Variants in ALOX5 observed in about 807,000 individuals in gnomAD.
ALOX5 encodes the protein arachidonate 5-lipoxygenase.
A neutral mutation model predicts 87.9 loss-of-function variants in ALOX5; 64 were observed. The ratio of observed to expected loss-of-function variants is 0.73; its 90% CI spans 0.60 to 0.90. The LOEUF (loss-of-function observed/expected upper bound fraction) is 0.90, where lower values mean the gene tolerates loss of function less well. Ranked by LOEUF, ALOX5 falls within the 40% of genes least tolerant of loss-of-function variation. The pLI is 0.00. For synonymous variants in ALOX5, 388 were observed against 355.1 expected (o/e 1.09, Z -1.04); for missense variants, 822 against 907.5 (o/e 0.91, Z 1.21).
chr10:45,431,548 GTTATTTATTTATTTATTTAT>G (rs34431757), intron 7 of ALOX5, among the ~76,000 whole-genome samples: 4,120 of 148,540 alleles, frequency 0.028, 174 homozygotes, highest in African/African-American at 0.092. Context: ...AAACTATAAA[GTTATTTATTTATTTATTTAT>G]TTATTTATTT....
intron 12 of ALOX5, 69 bp from the exon 13 acceptor site, chr10:45,444,046 CG>C: frequency 6.8e-7 from 1 of 1,476,592 alleles, no homozygotes; most frequent in Non-Finnish European, 9.0e-7. Flanking sequence ...ACGGGGAGGA[CG>C]GGGCCCAGGG....
At chr10:45,409,515 C>T (rs996747218) in intron 3 of ALOX5, among the ~76,000 whole-genome samples, 1 of 150,576 alleles carries the variant, frequency 6.6e-6, no homozygotes, top group South Asian at 2.1e-4. Context: ...GTCTGTCTCT[C>T]TCTCTCTCTC....
intron 2 of ALOX5, among the ~76,000 whole-genome samples, chr10:45,388,966 A>C (rs1423608259): frequency 6.6e-6 from 1 of 152,232 alleles, no homozygotes; most frequent in South Asian, 2.1e-4. Flanking sequence ...ACGAATGGCT[A>C]ACTAGAATAA....
At position 45,441,546 on chromosome 10, in the gene ALOX5, T is replaced by C. The variant is rs1160676571; in HGVS notation, c.1272+116T>C. The C allele has an allele frequency of 7.7e-6, 8 of 1,038,750 alleles. No homozygotes were observed. The African/African-American group carries it at 1.3e-4, about 17-fold the overall frequency. 64.3% of individuals were successfully genotyped at this position (1,038,750 alleles called of 1,614,324 possible). A position where few individuals can be genotyped will look rare whatever the true frequency, so the allele number is the denominator to read the frequency against. On this transcript the variant is annotated intron_variant, in intron 9 of 13. Transcript: ENST00000374391. Reference sequence around the variant, plus strand: ...GCCTGGAAGGGTGAAGGCTGGAGTCTGCTCAGAGCACTGGCTCCAGCATCC... The same window carrying C: ...GCCTGGAAGGGTGAAGGCTGGAGTCCGCTCAGAGCACTGGCTCCAGCATCC...
intron 1 of ALOX5, among the ~76,000 whole-genome samples, chr10:45,377,364 C>A (rs1191064149): frequency 6.6e-6 from 1 of 151,540 alleles, no homozygotes; most frequent in Non-Finnish European, 1.5e-5. Context: ...CCTCTTCCTT[C>A]CCCTGCTCCC....
At chr10:45,444,626 T>C (rs1842376321) in intron 13 of ALOX5, 1 of 315,878 alleles carries the variant, frequency 3.2e-6, no homozygotes, top group African/African-American at 2.1e-5. Context: ...GTTTCCTGGG[T>C]TCCTTCCGGA....
At chr10:45,389,218 T>G (rs191379425) in intron 2 of ALOX5, among the ~76,000 whole-genome samples, 1 of 152,306 alleles carries the variant, frequency 6.6e-6, no homozygotes. Flanking sequence ...TACATCTGAT[T>G]GGTGTACCTG....
chr10:45,417,438 C>A (rs911040965), intron 4 of ALOX5, among the ~76,000 whole-genome samples: 1 of 152,146 alleles, frequency 6.6e-6, no homozygotes, highest in Non-Finnish European at 1.5e-5. Context: ...CCCCACCCCC[C>A]ACATATGGTT....
At chr10:45,413,228 A>C (rs1372136971) in intron 4 of ALOX5, among the ~76,000 whole-genome samples, 1 of 152,226 alleles carries the variant, frequency 6.6e-6, no homozygotes, top group Admixed American at 6.5e-5. Flanking sequence ...GCAGTACATC[A>C]GAAAGCTTAT....
chr10:45,391,741 C>G (rs1191359684), intron 2 of ALOX5, among the ~76,000 whole-genome samples: 1 of 151,754 alleles, frequency 6.6e-6, no homozygotes, highest in Non-Finnish European at 1.5e-5. Flanking sequence ...GCACCACTGC[C>G]CCACCACCCT....
In ALOX5 at chr10:45,441,364, A is replaced by G. The variant is rs1297054450; in HGVS notation, c.1206A>G (p.Arg402=). 1 of 1,613,540 alleles carries G rather than the reference A, an allele frequency of 6.2e-7. No homozygotes were observed. The highest frequency in any genetic ancestry group is 1.7e-5 in the Admixed American group (1 of 59,992). The part of the protein sequence containing the change: ...PIFKLLVAHV[R]FTIAINTKAR... ...CCCAGCTGCTGGTGGCACACGTGAGATTCACCATTGCAATCAACACCAAGG... is the reference window on the plus strand; with the variant it reads ...CCCAGCTGCTGGTGGCACACGTGAGGTTCACCATTGCAATCAACACCAAGG... Residue 402 remains arginine, a synonymous_variant, in exon 9 of 14, where the codon AGA becomes AGG. Transcript: ENST00000374391.
At chr10:45,438,270 A>C (rs1459568220) in intron 7 of ALOX5, among the ~76,000 whole-genome samples, 1 of 152,048 alleles carries the variant, frequency 6.6e-6, no homozygotes, top group Non-Finnish European at 1.5e-5. Flanking sequence ...GATTGCTTCC[A>C]ATTTTTGCCT....
At chr10:45,381,330 G>A (rs778550227) in intron 1 of ALOX5, among the ~76,000 whole-genome samples, 2 of 152,224 alleles carry the variant, frequency 1.3e-5, no homozygotes, top group African/African-American at 4.8e-5. Flanking sequence ...GTCCCAGGAC[G>A]ACTCGAATCC....
chr10:45,443,553 C>A lies in ALOX5; in HGVS notation c.1573+16C>A. 2 of 1,607,366 alleles carry A rather than the reference C, an allele frequency of 1.2e-6. No homozygotes were observed. Among genetic ancestry groups the A allele is most frequent in the Non-Finnish European group, 1.7e-6 (2 of 1,175,848 alleles). The stretch of plus-strand genomic sequence containing the variant: ...AAGTCCTCAGGTAGGGCCTCCGGGA[C>A]GTCTCCGGACCCGGCTCCCCCGCAG... On this transcript the variant is annotated intron_variant, in intron 11 of 13. Transcript: ENST00000374391.
At chr10:45,398,447 C>T (rs1840588771) in intron 3 of ALOX5, among the ~76,000 whole-genome samples, 1 of 152,120 alleles carries the variant, frequency 6.6e-6, no homozygotes, top group Non-Finnish European at 1.5e-5. Flanking sequence ...TGACAAAGGA[C>T]TCTTGATATG....
At chr10:45,443,393 C>T (rs773636671) in intron 10 of ALOX5, 23 bp from the exon 11 acceptor site, 3 of 1,595,602 alleles carry the variant, frequency 1.9e-6, no homozygotes, top group African/African-American at 2.7e-5. Context: ...GGTCGCCCAC[C>T]CCGGCTGCGC....
chr10:45,400,370 C>T lies in ALOX5; in HGVS notation c.431+4434C>T, dbSNP rs187254652. 2.7e-3 allele frequency among the ~76,000 whole-genome samples: 418 copies of T among 152,212 alleles called. 2 individuals carry two copies. The highest frequency in any genetic ancestry group is 4.5e-3 in the Non-Finnish European group (309 of 68,014). ...ATCCTAGCACTTTGGGAGGTTGAGACGGGCAGATCACTTGAGGTCAGGAGT... is the reference window on the plus strand; with the variant it reads ...ATCCTAGCACTTTGGGAGGTTGAGATGGGCAGATCACTTGAGGTCAGGAGT... On this transcript the variant is annotated intron_variant, in intron 3 of 13. Transcript: ENST00000374391.
At chr10:45,440,291 C>A in intron 7 of ALOX5, 139 bp from the exon 8 acceptor site, 1 of 864,224 alleles carries the variant, frequency 1.2e-6, no homozygotes, top group Non-Finnish European at 1.8e-6. Flanking sequence ...GCCCTTTACC[C>A]CCTCCAGGCT....
chr10:45,416,808 A>C (rs1448380620), intron 4 of ALOX5, among the ~76,000 whole-genome samples: 1 of 151,832 alleles, frequency 6.6e-6, no homozygotes, highest in Non-Finnish European at 1.5e-5. Context: ...GGATGGATTC[A>C]TGGATGGTGG....
Sources: gnomAD v4.1 joint callset for allele counts (sites outside exome capture counted in the v4.1 genomes callset) on GRCh38, gnomAD v4.1.1 for gene constraint, MANE v1.5 for transcripts, NCBI Gene and HGNC (gene_info 2026-07-23, HGNC 2026-07-21) for gene names.